CTNNA3: variants seen among roughly 807,000 people sequenced by gnomAD.
CTNNA3 encodes catenin alpha-3.
In CTNNA3, 76 loss-of-function variants were observed where a neutral mutation model predicts 95.7. That is an observed-to-expected ratio of 0.79 (90% CI 0.66 to 0.96). The LOEUF (loss-of-function observed/expected upper bound fraction) is 0.96. Among genes scored for constraint, CTNNA3 ranks in the 40% least tolerant of loss-of-function variants. CTNNA3 has a pLI of 0.00. For missense variants in CTNNA3, 1,191 were observed against 1,089.8 expected (o/e 1.09, Z -1.31); for synonymous variants, 431 against 374.4 (o/e 1.15, Z -1.74).
At chr10:67,426,234 G>T (rs1459973504) in intron 5 of CTNNA3, among the ~76,000 whole-genome samples, 1 of 152,012 alleles carries the variant, frequency 6.6e-6, no homozygotes, top group Non-Finnish European at 1.5e-5. Context: ...TAGCAATGTG[G>T]AACCAACAAC....
intron 7 of CTNNA3, among the ~76,000 whole-genome samples, chr10:66,878,367 G>A (rs946482435): frequency 6.6e-6 from 1 of 152,080 alleles, no homozygotes; most frequent in African/African-American, 2.4e-5. Context: ...GAAAACATAT[G>A]AAACAGAGCA....
intron 13 of CTNNA3, among the ~76,000 whole-genome samples, chr10:66,139,932 G>A (rs1369278496): frequency 6.6e-6 from 1 of 152,188 alleles, no homozygotes; most frequent in African/African-American, 2.4e-5. Flanking sequence ...GGACTAGGAG[G>A]ATCAACTGGG....
chr10:66,847,563 C>T (rs1173063103), intron 7 of CTNNA3, among the ~76,000 whole-genome samples: 5 of 152,062 alleles, frequency 3.3e-5, no homozygotes, highest in Non-Finnish European at 7.4e-5. Flanking sequence ...GCTTCAATTC[C>T]TCATCATTAA....
chr10:65,960,965 C>G (rs1323508481), intron 17 of CTNNA3, among the ~76,000 whole-genome samples: 1 of 152,056 alleles, frequency 6.6e-6, no homozygotes, highest in Non-Finnish European at 1.5e-5. Context: ...AAGAAGAGCT[C>G]TTTTTTCTTT....
chr10:66,136,129 C>G (rs911461299), intron 13 of CTNNA3, among the ~76,000 whole-genome samples: 1 of 152,094 alleles, frequency 6.6e-6, no homozygotes. Flanking sequence ...GTCTCGATCT[C>G]CTGACCTTGT....
intron 10 of CTNNA3, among the ~76,000 whole-genome samples, chr10:66,525,907 G>C (rs1841241272): frequency 6.6e-6 from 1 of 152,022 alleles, no homozygotes; most frequent in Non-Finnish European, 1.5e-5. Flanking sequence ...TACAACATTT[G>C]TTCTTTTGTG....
chr10:66,242,630 C>G (rs534167141), intron 13 of CTNNA3, among the ~76,000 whole-genome samples: 1 of 152,234 alleles, frequency 6.6e-6, no homozygotes, highest in East Asian at 1.9e-4. Context: ...GGACTGATAA[C>G]ACTAAATGTT....
intron 14 of CTNNA3, among the ~76,000 whole-genome samples, chr10:66,095,908 C>T (rs951757206): frequency 1.3e-5 from 2 of 151,946 alleles, no homozygotes; most frequent in African/African-American, 4.8e-5. Context: ...AAACTATATG[C>T]TCTTAAGTGA....
At chr10:66,124,223 T>C (rs1274753926) in intron 13 of CTNNA3, among the ~76,000 whole-genome samples, 1 of 152,158 alleles carries the variant, frequency 6.6e-6, no homozygotes, top group Non-Finnish European at 1.5e-5. Context: ...CCCTAAATTA[T>C]GTCTCTAAAG....
intron 11 of CTNNA3, among the ~76,000 whole-genome samples, chr10:66,453,478 G>A (rs989749641): frequency 6.6e-6 from 1 of 152,194 alleles, no homozygotes; most frequent in African/African-American, 2.4e-5. Context: ...ATCCGGCCAG[G>A]GCCAGGGAAC....
At chr10:66,113,326 C>T (rs1480894253) in intron 13 of CTNNA3, among the ~76,000 whole-genome samples, 2 of 152,004 alleles carry the variant, frequency 1.3e-5, no homozygotes, top group Admixed American at 6.6e-5. Context: ...CTAAGTTATT[C>T]TTTTTTCTTT....
chr10:66,114,482 A>G (rs2082245271), intron 13 of CTNNA3, among the ~76,000 whole-genome samples: 1 of 147,876 alleles, frequency 6.8e-6, no homozygotes, highest in African/African-American at 2.4e-5. Flanking sequence ...GTATATGTAT[A>G]TATGTGTATA....
intron 17 of CTNNA3, among the ~76,000 whole-genome samples, chr10:65,951,845 C>T (rs112542384): frequency 0.03 from 4,637 of 152,098 alleles, 217 homozygotes; most frequent in African/African-American, 0.1. Context: ...CTGGCTAACA[C>T]GGTGAAACCC....
chr10:67,458,883 A>G (rs896329717), intron 5 of CTNNA3, among the ~76,000 whole-genome samples: 3 of 150,302 alleles, frequency 2.0e-5, no homozygotes, highest in Non-Finnish European at 4.4e-5. Context: ...GGTGGGGACA[A>G]AAAGTGAAAC....
rs12221247 is a variant in CTNNA3, at chr10:66,295,803, G to A, written c.1733-15182C>T. 2.1e-3 allele frequency among the ~76,000 whole-genome samples: 327 copies of A among 152,168 alleles called. 3 individuals are homozygous for A. The East Asian group carries it at 0.044, about 20-fold the overall frequency. On this transcript the variant is annotated intron_variant, in intron 12 of 17. Coordinates refer to ENST00000433211, the MANE Select transcript of CTNNA3 (RefSeq NM_013266.4). ...CAGCACATCATCTCTGAACACAAAG[G>A]ACAAGATAATTGTCCCACGTTCTGT... is the stretch of plus-strand genomic sequence containing the variant.
rs1243715762 is a variant in CTNNA3 at position 66,096,605 on chromosome 10, C to G, written c.1977+6552G>C. On this transcript the variant is annotated intron_variant, in intron 14 of 17. Coordinates refer to ENST00000433211, the MANE Select transcript of CTNNA3 (RefSeq NM_013266.4). The stretch of plus-strand genomic sequence containing the variant: ...TGGACACAATCTCCGCTCACTGCTA[C>G]CTCCACCTCCTGGGTTCAAGCAATC... Among the ~76,000 whole-genome samples, 2 of 150,926 alleles carry G rather than the reference C, an allele frequency of 1.3e-5. 1 individual carries two copies. The highest frequency in any genetic ancestry group is 3.9e-4 in the East Asian group (2 of 5,114).
At chr10:67,259,653 T>C (rs1309936155) in intron 5 of CTNNA3, among the ~76,000 whole-genome samples, 8 of 152,198 alleles carry the variant, frequency 5.3e-5, no homozygotes, top group South Asian at 4.1e-4. Flanking sequence ...GCCTACTTCA[T>C]GACTATTTTT....
At chr10:66,577,312 C>A (rs1197512524) in intron 10 of CTNNA3, among the ~76,000 whole-genome samples, 1 of 151,978 alleles carries the variant, frequency 6.6e-6, no homozygotes, top group African/African-American at 2.4e-5. Flanking sequence ...TTTTATTGTG[C>A]AAAAGCTCTT....
chr10:66,304,575 A>G (rs2091906363), intron 12 of CTNNA3, among the ~76,000 whole-genome samples: 1 of 152,210 alleles, frequency 6.6e-6, no homozygotes, highest in South Asian at 2.1e-4. Context: ...ATACATTTAT[A>G]TAATGGGGTA....
Sources: allele counts gnomAD v4.1 joint callset (sites outside exome capture counted in the v4.1 genomes callset), GRCh38; gene constraint gnomAD v4.1.1; transcripts MANE v1.5; gene names NCBI Gene and HGNC (gene_info 2026-07-23, HGNC 2026-07-21).